Variants in VDR observed in about 807,000 individuals in gnomAD.
VDR encodes the protein vitamin D receptor.
VDR carries 19 observed loss-of-function variants against 39.7 expected under a neutral mutation model. The observed-to-expected ratio is 0.48, with a 90% CI of 0.33 to 0.70. The LOEUF (loss-of-function observed/expected upper bound fraction) is 0.70, where lower values mean the gene tolerates loss of function less well. Among genes scored for constraint, VDR ranks in the 30% least tolerant of loss-of-function variants. VDR has a pLI of 0.02. For missense variants in VDR, 442 were observed against 570.5 expected, an observed-to-expected ratio of 0.77 and a Z score of 2.29; for synonymous variants, 242 against 215.8, an observed-to-expected ratio of 1.12 and a Z score of -1.07.
intron 1 of VDR, among the ~76,000 whole-genome samples, chr12:47,903,958 G>A (rs1946616011): frequency 6.6e-6 from 1 of 152,116 alleles, no homozygotes; most frequent in East Asian, 1.9e-4. Flanking sequence ...CTGGAGCAGA[G>A]CTGAACTCTG....
At chr12:47,904,435 TA>T in intron 1 of VDR, 1 of 673,218 alleles carries the variant, frequency 1.5e-6, no homozygotes, top group Non-Finnish European at 2.2e-6. Context: ...CAATTAGGTC[TA>T]AACTCATTGG....
At chr12:47,874,830 A>T (rs1945968221) in intron 3 of VDR, among the ~76,000 whole-genome samples, 1 of 152,178 alleles carries the variant, frequency 6.6e-6, no homozygotes, top group Non-Finnish European at 1.5e-5. Context: ...CCATGACCAT[A>T]TGCATCCACA....
intron 7 of VDR, among the ~76,000 whole-genome samples, chr12:47,854,674 G>T (rs1175091612): frequency 1.3e-5 from 2 of 152,234 alleles, no homozygotes; most frequent in Non-Finnish European, 2.9e-5. Flanking sequence ...TTCTAGGCCT[G>T]GCTCTGACAT....
Position 47,857,608 on chromosome 12 carries a change from G to A in VDR, c.358C>T (p.Leu120=). 1 of 1,614,220 alleles carries A rather than the reference G, an allele frequency of 6.2e-7. No homozygotes were observed. Among genetic ancestry groups the A allele is most frequent in the Non-Finnish European group, 8.5e-7 (1 of 1,180,050 alleles). Residue 120 remains leucine (L), a synonymous_variant, in exon 5 of 10, where the codon CTG becomes TTG. Coordinates refer to ENST00000549336, the MANE Select transcript of VDR (RefSeq NM_000376.3). ...TGCTCCTCAGACAGCTTGGGCCGCA[G>A]ACTGTCCTTCAAGGCCTCCTCCTCC... ...RKEEEALKDS[L]RPKLSEEQQR...
intron 1 of VDR, among the ~76,000 whole-genome samples, chr12:47,884,151 CG>C (rs1015582953): frequency 9.2e-5 from 14 of 152,270 alleles, no homozygotes; most frequent in African/African-American, 3.4e-4. Context: ...AGGTGGGGAC[CG>C]GGTGGATGCA....
chr12:47,901,299 G>A (rs936688140), intron 1 of VDR: 9 of 155,146 alleles, frequency 5.8e-5, no homozygotes, highest in African/African-American at 1.4e-4. Flanking sequence ...CCCACCCTTT[G>A]CATCTGGACC....
rs1267397908 is a variant in VDR at position 47,846,895 on chromosome 12, C to T, written c.756-87G>A. 5.3e-6 allele frequency: 8 copies of T among 1,517,116 alleles called. No homozygotes were observed. The East Asian group carries it at 1.6e-4, about 30-fold the overall frequency. The allele number at this position is 1,517,116 out of a possible 1,614,324, so 94.0% of individuals were successfully genotyped here. A position where few individuals can be genotyped will look rare whatever the true frequency, so the allele number is the denominator to read the frequency against. ...AGTTTAGTGCTTTGACAGGTATACA[C>T]CTGCTGGGCACCAACATGCACCCTG... On this transcript the variant is annotated intron_variant, in intron 7 of 9. Transcript: ENST00000549336.
intron 8 of VDR, 62 bp downstream of exon 8, chr12:47,846,595 A>C: frequency 6.2e-7 from 1 of 1,608,484 alleles, no homozygotes; most frequent in Non-Finnish European, 8.5e-7. Context: ...AAACCCCAGG[A>C]CGGGTGGAGC....
chr12:47,855,194 G>T (rs1209577579), intron 7 of VDR, among the ~76,000 whole-genome samples: 3 of 152,178 alleles, frequency 2.0e-5, no homozygotes, highest in African/African-American at 7.2e-5. Flanking sequence ...CGGGCTTGGT[G>T]GCCCACACCT....
chr12:47,865,503 C>T (rs1300228549), intron 3 of VDR, among the ~76,000 whole-genome samples: 1 of 152,086 alleles, frequency 6.6e-6, no homozygotes, highest in Non-Finnish European at 1.5e-5. Context: ...GCTGGACCTC[C>T]TGGGTTCAAG....
intron 1 of VDR, among the ~76,000 whole-genome samples, chr12:47,886,803 G>A (rs975921557): frequency 2.0e-5 from 3 of 152,166 alleles, no homozygotes; most frequent in Admixed American, 6.5e-5. Context: ...TTTTCCTAGT[G>A]GAGAACCACC....
chr12:47,857,468 T>G, intron 5 of VDR, 36 bp downstream of exon 5: 1 of 1,614,024 alleles, frequency 6.2e-7, no homozygotes, highest in Middle Eastern at 1.6e-4. Context: ...GTGCTTCTCC[T>G]CTGGACCGGC....
intron 4 of VDR, among the ~76,000 whole-genome samples, chr12:47,864,284 T>C (rs1482524625): frequency 1.3e-5 from 2 of 152,262 alleles, no homozygotes; most frequent in Non-Finnish European, 2.9e-5. Flanking sequence ...ATAACTGTCC[T>C]AGAGCTCTGA....
Position 47,842,337 on chromosome 12 carries a change from C to T in VDR, c.*2409G>A, listed in dbSNP as rs552894479. On this transcript the variant is annotated 3_prime_UTR_variant, in exon 10 of 10. Transcript: ENST00000549336. The stretch of plus-strand genomic sequence containing the variant: ...GGAAAGGGTCCCAGATCCAGACTTG[C>T]TCTTTCTGAAATCCAGGGCTTCCCC... The T allele has an allele frequency of 6.6e-6, 1 of 152,480 alleles. No homozygotes were observed. Among genetic ancestry groups the T allele is most frequent in the Admixed American group, 6.5e-5 (1 of 15,298 alleles). 9.4% of individuals were successfully genotyped at this position (152,480 alleles called of 1,614,324 possible).
chr12:47,874,503 TA>T (rs1945960125), intron 3 of VDR, among the ~76,000 whole-genome samples: 1 of 152,210 alleles, frequency 6.6e-6, no homozygotes, highest in Non-Finnish European at 1.5e-5. Flanking sequence ...CTCGCCAGCC[TA>T]CCTTTTGCCC....
At chr12:47,864,917 CTG>C in intron 4 of VDR, 128 bp downstream of exon 4, 1 of 1,509,310 alleles carries the variant, frequency 6.6e-7, no homozygotes, top group Non-Finnish European at 9.1e-7. Flanking sequence ...CACTGAGGCC[CTG>C]GCCCCAGATG....
intron 3 of VDR, among the ~76,000 whole-genome samples, chr12:47,866,022 G>A (rs1183377341): frequency 2.0e-5 from 3 of 150,064 alleles, no homozygotes; most frequent in Non-Finnish European, 4.4e-5. Flanking sequence ...GCCACGCCCC[G>A]ACTCTTATAC....
At position 47,857,354 on chromosome 12, in the gene VDR, G is replaced by T. The variant is rs1035767128; in HGVS notation, c.463-105C>A. 4.0e-5 allele frequency: 64 copies of T among 1,605,584 alleles called. No homozygotes were observed. In the Admixed American group the frequency reaches 1.1e-3, roughly 27 times the overall value. ...CTTTGAGGAAGGTCTACAGGAAGGC[G>T]AAGCCTCCCAGTGCCAGGGGCAGAG... On this transcript the variant is annotated intron_variant, in intron 5 of 9. Transcript: ENST00000549336.
At chr12:47,871,456 C>T (rs1403091060) in intron 3 of VDR, among the ~76,000 whole-genome samples, 2 of 136,048 alleles carry the variant, frequency 1.5e-5, no homozygotes, top group African/African-American at 2.8e-5. Context: ...CTTCTTTTCT[C>T]TCTTTCTTTC....
Sources: allele counts gnomAD v4.1 joint callset (sites outside exome capture counted in the v4.1 genomes callset), GRCh38; gene constraint gnomAD v4.1.1; transcripts MANE v1.5; gene names NCBI Gene and HGNC (gene_info 2026-07-23, HGNC 2026-07-21).